Variants in ANKRD40CL observed in about 807,000 individuals in gnomAD.
ANKRD40CL encodes ANKRD40 C-terminal like, also known as putative ANKRD40 C-terminal-like protein.
For synonymous variants in ANKRD40CL, 5 were observed against 2.3 expected, an observed-to-expected ratio of 2.14 and a Z score of -1.04; for missense variants, 11 against 6.4, an observed-to-expected ratio of 1.71 and a Z score of -0.77.
chr17:50,767,462 C>T lies in ANKRD40CL; in HGVS notation c.-99+1G>A. ...AAAGAAGCAGAAAGACCCCTCCATA[C>T]CTGGGAAAATGACCTTGGTGATGAT... On this transcript the variant is annotated splice_donor_variant, in intron 1 of 3. Transcript: ENST00000450727. LOFTEE classifies it low-confidence loss of function (5UTR_SPLICE). The T allele has an allele frequency of 3.7e-6, 1 of 267,472 alleles. No individual in the cohort carries two copies. Among genetic ancestry groups the T allele is most frequent in the South Asian group, 4.2e-5 (1 of 23,574 alleles). 16.6% of individuals were successfully genotyped at this position (267,472 alleles called of 1,614,324 possible).
At chr17:50,767,197 G>A (rs1971341057) in intron 1 of ANKRD40CL, 186 bp from the exon 2 acceptor site, 2 of 620,420 alleles carry the variant, frequency 3.2e-6, no homozygotes, top group Non-Finnish European at 6.0e-6. Context: ...GGAAGACGGT[G>A]CAGGCCGGTA....
chr17:50,761,079 C>T lies in ANKRD40CL; in HGVS notation c.*284G>A, dbSNP rs1459212331. 3 of 147,528 alleles carry T rather than the reference C, an allele frequency of 2.0e-5. No individual in the cohort carries two copies. Among genetic ancestry groups the T allele is most frequent in the South Asian group, 2.5e-4 (1 of 3,988 alleles). The allele number at this position is 147,528 out of a possible 1,614,324, so 9.1% of individuals were successfully genotyped here. On this transcript the variant is annotated 3_prime_UTR_variant, in exon 4 of 4. Transcript: ENST00000450727. ...TTTGAGAGACAGAGTCTTGCTCTGT[C>T]GCCAGGCTGGAGTGCAGTGGCGCAA...
rs1399398816 is a variant in ANKRD40CL at position 50,766,828 on chromosome 17, C to T, written c.40+46G>A. 1.9e-5 allele frequency: 12 copies of T among 626,704 alleles called. 3 individuals are homozygous for T. The highest frequency in any genetic ancestry group is 1.7e-4 in the African/African-American group (9 of 53,900). The allele number at this position is 626,704 out of a possible 1,614,324, so 38.8% of individuals were successfully genotyped here. ...TCCCAGCCTTCCCCAGCCCCCTGTC[C>T]CATCCTCCTTGAGGACCATGTTGGG... On this transcript the variant is annotated intron_variant, in intron 2 of 3. Coordinates refer to ENST00000450727, the MANE Select transcript of ANKRD40CL (RefSeq NM_001358683.3).
rs529050445 is a variant in ANKRD40CL at position 50,764,481 on chromosome 17, C to T, written c.41-924G>A. ...GCTGAGACAGTATTTTTAAATGGTG[C>T]GTAATCTGGGGAAGAAATATTTATA... is the stretch of plus-strand genomic sequence containing the variant. On this transcript the variant is annotated intron_variant, in intron 2 of 3. Coordinates refer to ENST00000450727, the MANE Select transcript of ANKRD40CL (RefSeq NM_001358683.3). 1.9e-4 allele frequency: 67 copies of T among 360,232 alleles called. No homozygotes were observed. The Middle Eastern group carries it at 2.8e-3, about 15-fold the overall frequency. 22.3% of individuals were successfully genotyped at this position (360,232 alleles called of 1,614,324 possible). A position where few individuals can be genotyped will look rare whatever the true frequency, so the allele number is the denominator to read the frequency against.
chr17:50,767,180 C>A (rs745849438), intron 1 of ANKRD40CL, 169 bp from the exon 2 acceptor site: 5 of 640,736 alleles, frequency 7.8e-6, no homozygotes, highest in South Asian at 7.6e-5. Flanking sequence ...CTCAGGCTGT[C>A]CCCACTGGAA....
At chr17:50,766,244 T>C (rs192225982) in intron 2 of ANKRD40CL, among the ~76,000 whole-genome samples, 5 of 152,242 alleles carry the variant, frequency 3.3e-5, no homozygotes, top group African/African-American at 7.2e-5. Context: ...GCAGCCCCTG[T>C]AGCAGCTGGG....
intron 2 of ANKRD40CL, among the ~76,000 whole-genome samples, chr17:50,766,197 G>T (rs1245507367): frequency 2.0e-5 from 3 of 152,194 alleles, no homozygotes; most frequent in African/African-American, 7.2e-5. Flanking sequence ...TCAATTCTGG[G>T]CCCTGGAGGT....
chr17:50,764,298 G>A, intron 2 of ANKRD40CL: 1 of 398,558 alleles, frequency 2.5e-6, no homozygotes, highest in Non-Finnish European at 4.4e-6. Flanking sequence ...CCAGTTGGCT[G>A]TCTGCCAGAC....
At chr17:50,762,776 G>C (rs1194940990) in intron 3 of ANKRD40CL, 1 of 64,118 alleles carries the variant, frequency 1.6e-5, no homozygotes, top group Non-Finnish European at 3.3e-5. Context: ...AACAAGGATG[G>C]GTTTGTGTTT....
chr17:50,766,588 C>T (rs139914912), intron 2 of ANKRD40CL: 442 of 395,356 alleles, frequency 1.1e-3, no homozygotes, highest in Middle Eastern at 2.0e-3. Context: ...TCCTACCTCA[C>T]CAGATTGTAA....
chr17:50,766,688 TATAG>T, intron 2 of ANKRD40CL, 182 bp downstream of exon 2: 1 of 530,090 alleles, frequency 1.9e-6, no homozygotes, highest in Non-Finnish European at 3.3e-6. Flanking sequence ...TTATTATAGC[TATAG>T]ACACTTGCTT....
rs1971199515 is a variant in ANKRD40CL at position 50,761,434 on chromosome 17, A to G, written c.274T>C (p.Leu92=). 2.5e-6 allele frequency: 1 copy of G among 399,036 alleles called. No individual in the cohort carries two copies. The highest frequency in any genetic ancestry group is 4.4e-6 in the Non-Finnish European group (1 of 226,060). 24.7% of individuals were successfully genotyped at this position (399,036 alleles called of 1,614,324 possible). A position where few individuals can be genotyped will look rare whatever the true frequency, so the allele number is the denominator to read the frequency against. Residue 92 remains leucine, a synonymous_variant, in exon 4 of 4, where the codon TTG becomes CTG. Coordinates refer to ENST00000450727, the MANE Select transcript of ANKRD40CL (RefSeq NM_001358683.3). ...LILMKNGSSR[L]TEYVPSLTER... is the part of the protein sequence containing the mutation. ...GTCAGAGATGGCACATATTCTGTCA[A>G]TCTGGAGCTTCCATTTTTCATTAAA...
rs1441603147 is a variant in ANKRD40CL at position 50,766,981 on chromosome 17, A to C, written c.-68T>G. The C allele has an allele frequency of 5.7e-6, 4 of 702,360 alleles. 1 individual carries two copies. Among genetic ancestry groups the C allele is most frequent in the Non-Finnish European group, 1.0e-5 (4 of 384,974 alleles). 43.5% of individuals were successfully genotyped at this position (702,360 alleles called of 1,614,324 possible). Reference sequence around the variant, plus strand: ...TATGCACAAGCTCCCAACCAAATAAAAAGCACTTTCTACAGCCTCAGCACA... The same window carrying C: ...TATGCACAAGCTCCCAACCAAATAACAAGCACTTTCTACAGCCTCAGCACA... On this transcript the variant is annotated 5_prime_UTR_variant, in exon 2 of 4. Transcript: ENST00000450727.
At position 50,763,374 on chromosome 17, in the gene ANKRD40CL, A is replaced by C. The variant is rs557842174; in HGVS notation, c.201+23T>G. ...ATGATGTCACCCACTGTGATTCTGCATTTAGAAACTCTTAACCCTTACCTT... is the reference window on the plus strand; with the variant it reads ...ATGATGTCACCCACTGTGATTCTGCCTTTAGAAACTCTTAACCCTTACCTT... On this transcript the variant is annotated intron_variant, in intron 3 of 3. Coordinates refer to ENST00000450727, the MANE Select transcript of ANKRD40CL (RefSeq NM_001358683.3). The C allele has an allele frequency of 3.0e-4, 118 of 399,080 alleles. 2 individuals are homozygous for C. In the South Asian group the frequency reaches 0.013, roughly 43 times the overall value. 24.7% of individuals were successfully genotyped at this position (399,080 alleles called of 1,614,324 possible). A position where few individuals can be genotyped will look rare whatever the true frequency, so the allele number is the denominator to read the frequency against.
At chr17:50,766,733 C>G in intron 2 of ANKRD40CL, 141 bp downstream of exon 2, 1 of 567,710 alleles carries the variant, frequency 1.8e-6, no homozygotes, top group Non-Finnish European at 3.1e-6. Context: ...TCTAGTTGCT[C>G]TGCTCTTCAC....
intron 2 of ANKRD40CL, among the ~76,000 whole-genome samples, chr17:50,765,429 G>C (rs943858064): frequency 6.6e-6 from 1 of 152,174 alleles, no homozygotes; most frequent in East Asian, 1.9e-4. Flanking sequence ...TTCTGGAAAA[G>C]AGAAAAGCCT....
chr17:50,766,847 T>A, intron 2 of ANKRD40CL, 27 bp downstream of exon 2: 1 of 631,516 alleles, frequency 1.6e-6, no homozygotes, highest in East Asian at 2.7e-5. Flanking sequence ...TTGAGGACCA[T>A]GTTGGGAACA....
intron 2 of ANKRD40CL, chr17:50,764,613 G>A (rs1289880095): frequency 1.1e-5 from 2 of 174,534 alleles, no homozygotes; most frequent in Non-Finnish European, 1.2e-5. Context: ...TTTATAAGGA[G>A]AAATTTTCTC....
At position 50,766,803 on chromosome 17, in the gene ANKRD40CL, T is replaced by C; in HGVS notation, c.40+71A>G. On this transcript the variant is annotated intron_variant, in intron 2 of 3. Coordinates refer to ENST00000450727, the MANE Select transcript of ANKRD40CL (RefSeq NM_001358683.3). The stretch of plus-strand genomic sequence containing the variant: ...ACTGCTGGCCACAGCATCACCTGTG[T>C]CCCAGCCTTCCCCAGCCCCCTGTCC... 3 of 603,342 alleles carry C rather than the reference T, an allele frequency of 5.0e-6. No individual in the cohort carries two copies. The South Asian group carries it at 5.7e-5, about 12-fold the overall frequency. The allele number at this position is 603,342 out of a possible 1,614,324, so 37.4% of individuals were successfully genotyped here.
Sources: allele counts gnomAD v4.1 joint callset (sites outside exome capture counted in the v4.1 genomes callset), GRCh38; gene constraint gnomAD v4.1.1; transcripts MANE v1.5; gene names NCBI Gene and HGNC (gene_info 2026-07-23, HGNC 2026-07-21).